Variants in METTL8 observed in about 807,000 individuals in gnomAD.
The protein encoded by METTL8 is tRNA N(3)-cytidine methyltransferase METTL8, mitochondrial.
In METTL8, 32 loss-of-function variants were observed where a neutral mutation model predicts 48.7. That is an observed-to-expected ratio of 0.66 (90% CI 0.50 to 0.88). METTL8 has a LOEUF of 0.88. Ranked by LOEUF, METTL8 falls within the 40% of genes least tolerant of loss-of-function variation. The pLI, the probability that METTL8 is intolerant of heterozygous loss-of-function variation, is 0.00. For synonymous variants in METTL8, 136 were observed against 157.1 expected (o/e 0.87, Z 1.01); for missense variants, 464 against 474.4 (o/e 0.98, Z 0.20).
At chr2:171,413,155 T>C (rs1421744535) in intron 1 of METTL8, among the ~76,000 whole-genome samples, 2 of 152,338 alleles carry the variant, frequency 1.3e-5, no homozygotes, top group South Asian at 2.1e-4. Context: ...TAGCAGAATA[T>C]GAAAAATTCA....
chr2:171,430,348 A>G (rs1179727890), intron 1 of METTL8, among the ~76,000 whole-genome samples: 1 of 151,516 alleles, frequency 6.6e-6, no homozygotes, highest in Non-Finnish European at 1.5e-5. Flanking sequence ...ACAGAGCAAG[A>G]CTCCATCTCA....
chr2:171,411,390 G>T (rs530074458), intron 1 of METTL8, among the ~76,000 whole-genome samples: 1 of 152,320 alleles, frequency 6.6e-6, no homozygotes, highest in East Asian at 1.9e-4. Context: ...GGAGTTGGGG[G>T]ATGGTGTGTA....
chr2:171,376,183 C>T (rs1686944620), intron 2 of METTL8, among the ~76,000 whole-genome samples: 1 of 152,124 alleles, frequency 6.6e-6, no homozygotes. Flanking sequence ...TTTGAATATA[C>T]CTCTTGTATT....
At chr2:171,372,158 C>A (rs577737554) in intron 2 of METTL8, among the ~76,000 whole-genome samples, 2 of 152,094 alleles carry the variant, frequency 1.3e-5, no homozygotes, top group Admixed American at 6.6e-5. Flanking sequence ...GGCCTGTGAA[C>A]TGAGGACACA....
At chr2:171,377,672 A>C (rs1379634698) in intron 2 of METTL8, among the ~76,000 whole-genome samples, 1 of 152,238 alleles carries the variant, frequency 6.6e-6, no homozygotes, top group East Asian at 1.9e-4. Context: ...AATGCAAATG[A>C]AAACCACAAT....
At chr2:171,346,113 T>C (rs1352142056) in intron 3 of METTL8, among the ~76,000 whole-genome samples, 1 of 152,122 alleles carries the variant, frequency 6.6e-6, no homozygotes, top group Non-Finnish European at 1.5e-5. Context: ...AGTGCAGCCT[T>C]GACCTCCTGG....
chr2:171,417,302 CTGTTCTGTTGGAG>C (rs1284644305), intron 1 of METTL8, among the ~76,000 whole-genome samples: 2 of 152,182 alleles, frequency 1.3e-5, no homozygotes, highest in African/African-American at 4.8e-5. Flanking sequence ...ATTATGGATA[CTGTTCTGTTGGAG>C]TGCCAAGCTA....
intron 1 of METTL8, among the ~76,000 whole-genome samples, chr2:171,406,670 G>C (rs1690209187): frequency 6.6e-6 from 1 of 152,120 alleles, no homozygotes; most frequent in South Asian, 2.1e-4. Flanking sequence ...GTCACATTGT[G>C]GGGTAGGCCT....
At chr2:171,418,169 T>G (rs1276033457) in intron 1 of METTL8, among the ~76,000 whole-genome samples, 1 of 152,166 alleles carries the variant, frequency 6.6e-6, no homozygotes, top group Non-Finnish European at 1.5e-5. Flanking sequence ...GGTCTCGATC[T>G]CCTGACCTCA....
At chr2:171,383,775 G>A (rs140095754) in intron 2 of METTL8, among the ~76,000 whole-genome samples, 101 of 152,266 alleles carry the variant, frequency 6.6e-4, no homozygotes, top group Admixed American at 2.2e-3. Context: ...TTTGAAAATC[G>A]TTTCCTGTCA....
intron 3 of METTL8, among the ~76,000 whole-genome samples, chr2:171,357,581 A>G (rs1350660304): frequency 6.6e-6 from 1 of 152,254 alleles, no homozygotes; most frequent in Non-Finnish European, 1.5e-5. Flanking sequence ...CCAAATAATT[A>G]ATATTGTTAA....
intron 2 of METTL8, among the ~76,000 whole-genome samples, chr2:171,364,901 T>G (rs902575554): frequency 6.6e-6 from 1 of 152,224 alleles, no homozygotes; most frequent in Admixed American, 6.5e-5. Flanking sequence ...TCAATGATAT[T>G]TGACAAATTT....
At chr2:171,401,249 T>G (rs553912201) in intron 1 of METTL8, among the ~76,000 whole-genome samples, 1 of 152,100 alleles carries the variant, frequency 6.6e-6, no homozygotes, top group Non-Finnish European at 1.5e-5. Context: ...AAGAAACACT[T>G]AAGTATCAAC....
intron 1 of METTL8, among the ~76,000 whole-genome samples, chr2:171,397,352 T>TAAAAAAAAA (rs71013039): frequency 2.6e-4 from 3 of 11,708 alleles, no homozygotes; most frequent in African/African-American, 5.6e-4. Context: ...ACCCTGTCTC[T>TAAAAAAAAA]AAAAAAAAAA....
At position 171,416,118 on chromosome 2, in the gene METTL8, A is replaced by G. The variant is rs189482013; in HGVS notation, c.-13+17765T>C. Among the ~76,000 whole-genome samples the G allele has an allele frequency of 1.6e-3, 237 of 152,302 alleles. 4 individuals carry two copies. The East Asian group carries it at 0.016, about 11-fold the overall frequency. ...TATGGCTGCTCTCTCTTTCCATTTG[A>G]TGACTGTGTTTCTGACGCGCCAGGA... On this transcript the variant is annotated intron_variant, in intron 1 of 9. Transcript: ENST00000375258.
intron 2 of METTL8, among the ~76,000 whole-genome samples, chr2:171,373,829 A>C (rs1313630950): frequency 6.6e-6 from 1 of 152,058 alleles, no homozygotes; most frequent in Admixed American, 6.5e-5. Flanking sequence ...GTTCTGTTCC[A>C]TTGGTCTATA....
intron 2 of METTL8, among the ~76,000 whole-genome samples, chr2:171,369,007 A>AT (rs955331261): frequency 6.6e-6 from 1 of 152,186 alleles, no homozygotes; most frequent in Non-Finnish European, 1.5e-5. Context: ...GATAAAGGCT[A>AT]TTAAAAACTC....
In METTL8 at chr2:171,319,056, GGAA is replaced by G. The variant is rs1684398067; in HGVS notation, c.*5113_*5115del. 1 of 152,102 alleles carries G rather than the reference GGAA, an allele frequency of 6.6e-6. No individual in the cohort carries two copies. The highest frequency in any genetic ancestry group is 1.5e-5 in the Non-Finnish European group (1 of 68,016). 9.4% of individuals were successfully genotyped at this position (152,102 alleles called of 1,614,324 possible). On this transcript the variant is annotated 3_prime_UTR_variant, in exon 10 of 10. Transcript: ENST00000375258. ...TTAAGAGTAGCTAAGCAGTTCAATA[GGAA>G]CTAGGACCCATGCTTCCTGTTTGAC...
intron 1 of METTL8, among the ~76,000 whole-genome samples, chr2:171,405,291 C>G (rs1690062203): frequency 6.6e-6 from 1 of 151,012 alleles, no homozygotes; most frequent in Non-Finnish European, 1.5e-5. Context: ...TCGAGAGGGA[C>G]TGATCAAGAA....
Sources: gnomAD v4.1 joint callset for allele counts (sites outside exome capture counted in the v4.1 genomes callset) on GRCh38, gnomAD v4.1.1 for gene constraint, MANE v1.5 for transcripts, NCBI Gene and HGNC (gene_info 2026-07-23, HGNC 2026-07-21) for gene names.